Variants in VPS53 observed in about 807,000 individuals in gnomAD.
VPS53 encodes the protein vacuolar protein sorting-associated protein 53 homolog.
Under a neutral mutation model 107.0 loss-of-function variants are expected in VPS53, and 70 were observed. That is an observed-to-expected ratio of 0.65 (90% CI 0.54 to 0.80). The LOEUF (loss-of-function observed/expected upper bound fraction) is 0.80, where lower values mean the gene tolerates loss of function less well. VPS53 is among the 30% of genes least tolerant of loss of function. The pLI is 0.00. For missense variants in VPS53, 917 were observed against 1,049.4 expected, an observed-to-expected ratio of 0.87 and a Z score of 1.74; for synonymous variants, 409 against 393.3, an observed-to-expected ratio of 1.04 and a Z score of -0.47.
intron 17 of VPS53, chr17:551,567 TA>T: frequency 6.1e-6 from 1 of 163,188 alleles, no homozygotes; most frequent in East Asian, 1.6e-4. Flanking sequence ...ACCCTGTCTC[TA>T]AAAAAATATA....
chr17:680,118 A>T (rs1165832537), intron 4 of VPS53, among the ~76,000 whole-genome samples: 4 of 152,206 alleles, frequency 2.6e-5, no homozygotes, highest in African/African-American at 9.6e-5. Context: ...ACATGGTGAA[A>T]CCCCATCTCT....
At position 519,182 on chromosome 17, in the gene VPS53, C is replaced by T; in HGVS notation, c.2445G>A (p.Glu815=). 1 of 1,548,602 alleles carries T rather than the reference C, an allele frequency of 6.5e-7. No individual in the cohort carries two copies. Among genetic ancestry groups the T allele is most frequent in the Non-Finnish European group, 8.7e-7 (1 of 1,145,992 alleles). ...GCTTGCGGATGCGTGACGACTCTTGCTCTGGTGTTGGCGCCGTCAGGGACA... is the reference window on the plus strand; with the variant it reads ...GCTTGCGGATGCGTGACGACTCTTGTTCTGGTGTTGGCGCCGTCAGGGACA... ...GSLSLTAPTP[E]QESSRIRKLE... is the part of the protein sequence containing the mutation. Residue 815 remains glutamate, a synonymous_variant, in exon 22 of 22, where the codon GAG becomes GAA. Coordinates refer to ENST00000437048, the MANE Select transcript of VPS53 (RefSeq NM_001128159.3). This position sits in a 1 kb window ranked among gnomAD's most constrained non-coding sequence, Gnocchi z 5.0.
chr17:711,246 C>T (rs1392122477), intron 1 of VPS53, among the ~76,000 whole-genome samples: 5 of 151,472 alleles, frequency 3.3e-5, no homozygotes. Flanking sequence ...AGCTAACTCC[C>T]TAACAACCTG....
chr17:617,747 A>G lies in VPS53; in HGVS notation c.1116+5786T>C, dbSNP rs9906304. Reference sequence around the variant, plus strand: ...TTCCCAGGTAGCTGGGACTACAGGCATGCGCCACCACGCCCCACTAATATT... The same window carrying G: ...TTCCCAGGTAGCTGGGACTACAGGCGTGCGCCACCACGCCCCACTAATATT... On this transcript the variant is annotated intron_variant, in intron 11 of 21. Coordinates refer to ENST00000437048, the MANE Select transcript of VPS53 (RefSeq NM_001128159.3). 9.9e-4 allele frequency among the ~76,000 whole-genome samples: 128 copies of G among 129,564 alleles called. 2 individuals carry two copies. Among genetic ancestry groups the G allele is most frequent in the African/African-American group, 1.9e-3 (65 of 33,662 alleles). 85.0% of individuals were successfully genotyped at this position (129,564 alleles called of 152,430 possible).
intron 17 of VPS53, among the ~76,000 whole-genome samples, chr17:541,139 C>T (rs555775187): frequency 3.9e-5 from 6 of 152,298 alleles, no homozygotes; most frequent in Admixed American, 2.6e-4. Context: ...CTGAGGCTGC[C>T]GGGGTGTTGG....
chr17:691,463 T>G (rs1229899671), intron 4 of VPS53, among the ~76,000 whole-genome samples: 1 of 152,208 alleles, frequency 6.6e-6, no homozygotes, highest in Non-Finnish European at 1.5e-5. Context: ...GGTGGAAGAT[T>G]GTACTACAAT....
rs554899419 is a variant in VPS53 at position 563,241 on chromosome 17, A to C, written c.1314-496T>G. On this transcript the variant is annotated intron_variant, in intron 13 of 21. Coordinates refer to ENST00000437048, the MANE Select transcript of VPS53 (RefSeq NM_001128159.3). ...GTTTTCTGAACACTTGAGATGCACC[A>C]GGTATTATGTCCATGCTTTATACCC... 2.8e-4 allele frequency among the ~76,000 whole-genome samples: 42 copies of C among 150,162 alleles called. No individual in the cohort carries two copies. The South Asian group carries it at 8.6e-3, about 31-fold the overall frequency.
rs902202190 is a variant in VPS53, at chr17:512,908, C to T, written c.*6220G>A. On this transcript the variant is annotated 3_prime_UTR_variant, in exon 22 of 22. Transcript: ENST00000437048. The stretch of plus-strand genomic sequence containing the variant: ...CAGGAGAGAAATCACTTGGCCGTCA[C>T]TGGAAGAGCAGGCTGTGATGGGAAC... 2 of 152,258 alleles carry T rather than the reference C, an allele frequency of 1.3e-5. No homozygotes were observed. The highest frequency in any genetic ancestry group is 2.9e-5 in the Non-Finnish European group (2 of 68,094). 9.4% of individuals were successfully genotyped at this position (152,258 alleles called of 1,614,324 possible). A position where few individuals can be genotyped will look rare whatever the true frequency, so the allele number is the denominator to read the frequency against.
chr17:572,412 G>T (rs1188402451), intron 13 of VPS53, among the ~76,000 whole-genome samples: 2 of 138,554 alleles, frequency 1.4e-5, no homozygotes, highest in Non-Finnish European at 1.6e-5. Context: ...GGAGGGAGGT[G>T]GGGGGGTCAG....
chr17:539,518 AG>A (rs1910420837), intron 17 of VPS53, among the ~76,000 whole-genome samples: 1 of 152,264 alleles, frequency 6.6e-6, no homozygotes, highest in Non-Finnish European at 1.5e-5. Flanking sequence ...TTAAAGTACT[AG>A]AAAACAATAA....
chr17:688,270 A>C (rs1394270956), intron 4 of VPS53, among the ~76,000 whole-genome samples: 2 of 152,086 alleles, frequency 1.3e-5, no homozygotes, highest in East Asian at 3.9e-4. Context: ...ACAAGATCTG[A>C]TGGTTTTGTA....
intron 13 of VPS53, among the ~76,000 whole-genome samples, chr17:569,852 C>T (rs994927719): frequency 7.4e-5 from 11 of 149,550 alleles, no homozygotes; most frequent in East Asian, 3.9e-4. Context: ...ACCCAGGAGC[C>T]GAGATTATGT....
rs1378749008 is a variant in VPS53 at position 536,741 on chromosome 17, C to T, written c.2015+287G>A. On this transcript the variant is annotated intron_variant, in intron 18 of 21. Coordinates refer to ENST00000437048, the MANE Select transcript of VPS53 (RefSeq NM_001128159.3). ...CCAGTTGAGTATGACACTGAAATGG[C>T]GGCCACACGTCACTGTACATTTGTC... 4.9e-5 allele frequency: 16 copies of T among 324,520 alleles called. 1 individual carries two copies. Among genetic ancestry groups the T allele is most frequent in the South Asian group, 3.4e-4 (9 of 26,464 alleles). 20.1% of individuals were successfully genotyped at this position (324,520 alleles called of 1,614,324 possible). A position where few individuals can be genotyped will look rare whatever the true frequency, so the allele number is the denominator to read the frequency against.
chr17:606,383 T>A (rs1968579669), intron 11 of VPS53, among the ~76,000 whole-genome samples: 1 of 152,094 alleles, frequency 6.6e-6, no homozygotes, highest in Non-Finnish European at 1.5e-5. Flanking sequence ...TTCTCCTACC[T>A]GCAATGTGAA....
chr17:637,940 G>C (rs1970263897), intron 7 of VPS53, among the ~76,000 whole-genome samples: 2 of 152,262 alleles, frequency 1.3e-5, no homozygotes, highest in East Asian at 3.9e-4. Context: ...GGTCCGTTTG[G>C]TGCACAGCTA....
At chr17:701,229 G>A (rs550717763) in intron 2 of VPS53, among the ~76,000 whole-genome samples, 241 of 152,204 alleles carry the variant, frequency 1.6e-3, no homozygotes, top group Non-Finnish European at 1.8e-3. Context: ...AGGAGGCTGA[G>A]GTGGGAGGAT....
chr17:536,803 G>A (rs1488174137), intron 18 of VPS53: 7 of 515,910 alleles, frequency 1.4e-5, no homozygotes, highest in South Asian at 4.8e-5. Context: ...GTCAGAGTCC[G>A]GGTGATAATG....
chr17:642,496 T>C (rs376909362), intron 7 of VPS53, among the ~76,000 whole-genome samples: 2 of 150,768 alleles, frequency 1.3e-5, no homozygotes, highest in Non-Finnish European at 1.5e-5. Flanking sequence ...ACAACACTCA[T>C]ACTTGGAAAG....
intron 9 of VPS53, among the ~76,000 whole-genome samples, chr17:627,603 C>T (rs1230919256): frequency 6.6e-6 from 1 of 152,072 alleles, no homozygotes; most frequent in East Asian, 1.9e-4. Context: ...GGAGAAACCC[C>T]GTCCCTACTA....
Sources: gnomAD v4.1 joint callset for allele counts (sites outside exome capture counted in the v4.1 genomes callset) on GRCh38, gnomAD v4.1.1 for gene constraint, Gnocchi (gnomAD v3.1) non-coding constraint, MANE v1.5 for transcripts, NCBI Gene and HGNC (gene_info 2026-07-23, HGNC 2026-07-21) for gene names.